The following ZNF420 variants were observed in gnomAD, a reference collection of about 807,000 sequenced individuals.
ZNF420 encodes the protein ATM and p53-associated KZNF protein.
In ZNF420, 31 loss-of-function variants were observed where a neutral mutation model predicts 44.7. The ratio of observed to expected loss-of-function variants is 0.69; its 90% CI spans 0.52 to 0.94. ZNF420 has a LOEUF of 0.94. Ranked by LOEUF, ZNF420 falls within the 40% of genes least tolerant of loss-of-function variation. The pLI, the probability that ZNF420 is intolerant of heterozygous loss-of-function variation, is 0.00. For synonymous variants in ZNF420, 245 were observed against 267.4 expected (o/e 0.92, Z 0.82); for missense variants, 681 against 827.9 (o/e 0.82, Z 2.18).
chr19:37,103,417 T>C (rs2146612477), intron 4 of ZNF420, among the ~76,000 whole-genome samples: 1 of 152,332 alleles, frequency 6.6e-6, no homozygotes, highest in Non-Finnish European at 1.5e-5. Flanking sequence ...TATTCTATTC[T>C]CTACTATGAC....
At chr19:37,105,213 A>G (rs933247318) in intron 4 of ZNF420, among the ~76,000 whole-genome samples, 9 of 152,228 alleles carry the variant, frequency 5.9e-5, no homozygotes, top group South Asian at 2.1e-4. Context: ...AGCTTTCTAC[A>G]TATGGCTAGC....
chr19:37,036,034 C>G (rs1465635560), intron 1 of ZNF420, among the ~76,000 whole-genome samples: 1 of 152,134 alleles, frequency 6.6e-6, no homozygotes, highest in Non-Finnish European at 1.5e-5. Flanking sequence ...CCTAAAATTT[C>G]TTCCCTTCTG....
upstream of ZNF420, among the ~76,000 whole-genome samples, chr19:37,076,998 T>A (rs1968174229): frequency 6.6e-6 from 1 of 152,138 alleles, no homozygotes; most frequent in African/African-American, 2.4e-5. Flanking sequence ...ACATTACCGG[T>A]AAGAGATCAA....
intron 1 of ZNF420, among the ~76,000 whole-genome samples, chr19:37,012,758 A>ATC (rs1162223396): frequency 1.0e-5 from 1 of 100,102 alleles, no homozygotes; most frequent in Non-Finnish European, 2.2e-5. Context: ...TGCCACTGCT[A>ATC]TATGTCTCTG....
rs1967229616 is a variant in ZNF420, at chr19:37,030,081, T to TTGTATCTCTGACCCACGTG, written c.-125+22001_-125+22019dup. 3.9e-5 allele frequency among the ~76,000 whole-genome samples: 6 copies of TTGTATCTCTGACCCACGTG among 152,182 alleles called. No individual in the cohort carries two copies. The South Asian group carries it at 1.2e-3, about 32-fold the overall frequency. On this transcript the variant is annotated intron_variant, in intron 1 of 4. Transcript: ENST00000587029. Reference sequence around the variant, plus strand: ...TTGTTCATCCTACGTATCTGCTACTTTGTATCTCTGACCCACGTGTCCTCA... The same window carrying TTGTATCTCTGACCCACGTG: ...TTGTTCATCCTACGTATCTGCTACTTTGTATCTCTGACCCACGTGTGTATCTCTGACCCACGTGTCCTCA...
At chr19:37,069,073 C>T (rs1233874279) in intron 1 of ZNF420, among the ~76,000 whole-genome samples, 1 of 152,050 alleles carries the variant, frequency 6.6e-6, no homozygotes, top group Admixed American at 6.6e-5. Flanking sequence ...TAGATTTCAA[C>T]AAAAATTACA....
intron 1 of ZNF420, among the ~76,000 whole-genome samples, chr19:37,070,114 CACAT>C (rs139692591): frequency 0.015 from 2,232 of 152,072 alleles, 23 homozygotes; most frequent in African/African-American, 0.028. Context: ...ACATATGTGA[CACAT>C]ACATATGTGT....
At chr19:37,115,527 A>G (rs4805199) in intron 4 of ZNF420, among the ~76,000 whole-genome samples, 76,287 of 151,550 alleles carry the variant, frequency 0.5, 19,868 homozygotes, top group African/African-American at 0.58. Flanking sequence ...GTACATGTAT[A>G]CAAACATCTC....
chr19:37,101,966 C>G (rs564273866), intron 4 of ZNF420, among the ~76,000 whole-genome samples: 6 of 152,202 alleles, frequency 3.9e-5, no homozygotes, highest in Non-Finnish European at 8.8e-5. Flanking sequence ...CAGCATGTCT[C>G]TGCACAGATG....
chr19:37,128,787 G>C lies in ZNF420; in HGVS notation c.1796G>C (p.Gly599Ala). ...GAGTGTGGCAAGGCCTTTAGTCATG[G>C]CTCTCAGCTTACTCTACATCAGAGA... The part of the protein sequence containing the change: ...CKECGKAFSH[G>A]SQLTLHQRIH... Residue 599 changes from glycine (G) to alanine (A), a missense_variant, in exon 5 of 5, where the codon GGC (glycine) becomes GCC (alanine). By Grantham distance (60) the Gly-to-Ala change is moderately conservative. Coordinates refer to ENST00000337995, the MANE Select transcript of ZNF420 (RefSeq NM_144689.5). 6.2e-7 allele frequency: 1 copy of C among 1,613,680 alleles called. No homozygotes were observed. Among genetic ancestry groups the C allele is most frequent in the Non-Finnish European group, 8.5e-7 (1 of 1,179,916 alleles).
intron 1 of ZNF420, among the ~76,000 whole-genome samples, chr19:37,058,147 C>T (rs1409292002): frequency 2.0e-5 from 3 of 152,164 alleles, no homozygotes; most frequent in Non-Finnish European, 4.4e-5. Context: ...ACTTCCCAGT[C>T]CATCAGGGAG....
chr19:37,128,265 G>C lies in ZNF420; in HGVS notation c.1274G>C (p.Gly425Ala). Residue 425 changes from glycine (G) to alanine (A), a missense_variant, in exon 5 of 5, where the codon GGA (glycine) becomes GCA (alanine). Coordinates refer to ENST00000337995, the MANE Select transcript of ZNF420 (RefSeq NM_144689.5). ...AAACCCTATCAATGTAAGGAATGTG[G>C]AAAAGCGTTTAATCGTGGCTCACTC... ...GEKPYQCKEC[G>A]KAFNRGSLLT... 3 of 1,614,036 alleles carry C rather than the reference G, an allele frequency of 1.9e-6. No homozygotes were observed. Among genetic ancestry groups the C allele is most frequent in the Non-Finnish European group, 2.5e-6 (3 of 1,179,968 alleles).
rs930887784 is a variant in ZNF420 at position 37,130,037 on chromosome 19, C to T, written c.*979C>T. On this transcript the variant is annotated 3_prime_UTR_variant, in exon 5 of 5. Coordinates refer to ENST00000337995, the MANE Select transcript of ZNF420 (RefSeq NM_144689.5). ...CAAATTTCTGGGCTGAAAATCTCAG[C>T]CTTCCTTGCAGGTCAACAAGATAGA... 2.6e-6 allele frequency: 4 copies of T among 1,532,548 alleles called. No individual in the cohort carries two copies. The African/African-American group carries it at 5.5e-5, about 21-fold the overall frequency. The allele number at this position is 1,532,548 out of a possible 1,614,324, so 94.9% of individuals were successfully genotyped here.
chr19:37,091,237 A>G (rs772982642), intron 4 of ZNF420, 116 bp downstream of exon 4: 58 of 1,129,170 alleles, frequency 5.1e-5, no homozygotes, highest in Admixed American at 2.2e-4. Flanking sequence ...TTTTCAAAGG[A>G]GGAGTTTGAA....
At chr19:37,117,336 C>T (rs1170822876) in intron 4 of ZNF420, among the ~76,000 whole-genome samples, 1 of 152,158 alleles carries the variant, frequency 6.6e-6, no homozygotes, top group Non-Finnish European at 1.5e-5. Context: ...TCTGCAGCCA[C>T]TGCTGCTGAT....
At chr19:37,020,424 A>C (rs1002132672) in intron 1 of ZNF420, among the ~76,000 whole-genome samples, 1 of 152,030 alleles carries the variant, frequency 6.6e-6, no homozygotes, top group Non-Finnish European at 1.5e-5. Flanking sequence ...AAATATTCCA[A>C]ACTTGCAATA....
At chr19:37,030,401 T>A (rs1406110081) in intron 1 of ZNF420, among the ~76,000 whole-genome samples, 1 of 152,204 alleles carries the variant, frequency 6.6e-6, no homozygotes, top group Non-Finnish European at 1.5e-5. Flanking sequence ...GACCTCCTGA[T>A]CCTCCCACCT....
At chr19:37,049,097 T>A (rs1426744519) in intron 1 of ZNF420, among the ~76,000 whole-genome samples, 1 of 152,204 alleles carries the variant, frequency 6.6e-6, no homozygotes, top group African/African-American at 2.4e-5. Context: ...GTGCCACATT[T>A]TCTTAATCCA....
chr19:37,059,742 CAG>C (rs1235679147), intron 1 of ZNF420, among the ~76,000 whole-genome samples: 2 of 152,156 alleles, frequency 1.3e-5, no homozygotes, highest in Non-Finnish European at 2.9e-5. Flanking sequence ...CCCGCAGCCT[CAG>C]GGGTTGCCTG....
Sources: allele counts gnomAD v4.1 joint callset (sites outside exome capture counted in the v4.1 genomes callset), GRCh38; gene constraint gnomAD v4.1.1; transcripts MANE v1.5; gene names NCBI Gene and HGNC (gene_info 2026-07-23, HGNC 2026-07-21).